Variants in ADORA1 observed in about 807,000 individuals in gnomAD.
The protein encoded by ADORA1 is adenosine receptor A1.
A neutral mutation model predicts 19.9 loss-of-function variants in ADORA1; 6 were observed. The observed-to-expected ratio is 0.30, with a 90% CI of 0.17 to 0.59. The LOEUF is 0.59. ADORA1 is among the 20% of genes least tolerant of loss of function. ADORA1 has a pLI of 0.87. For synonymous variants in ADORA1, 194 were observed against 188.4 expected, an observed-to-expected ratio of 1.03 and a Z score of -0.24; for missense variants, 302 against 439.2, an observed-to-expected ratio of 0.69 and a Z score of 2.79.
At chr1:203,143,082 AG>A (rs1654746177) in intron 3 of ADORA1, among the ~76,000 whole-genome samples, 1 of 152,166 alleles carries the variant, frequency 6.6e-6, no homozygotes, top group Non-Finnish European at 1.5e-5. Context: ...ACTTAGAATG[AG>A]GGGTGTTGTC....
intron 3 of ADORA1, among the ~76,000 whole-genome samples, chr1:203,134,534 C>T (rs1042357541): frequency 3.9e-5 from 6 of 152,156 alleles, no homozygotes; most frequent in South Asian, 2.1e-4. Flanking sequence ...GGTGGCTTCC[C>T]GGAAGTTTCT....
Position 203,165,602 on chromosome 1 carries a change from A to G in ADORA1, c.683A>G (p.Lys228Arg). ...GGCGACCCGCAGAAGTACTATGGGA[A>G]GGAGCTGAAGATCGCCAAGTCGCTG... ...SSGDPQKYYG[K>R]ELKIAKSLAL... Residue 228 changes from lysine (K) to arginine (R), a missense_variant, in exon 4 of 4, where the codon AAG becomes AGG. Coordinates refer to ENST00000337894, the MANE Select transcript of ADORA1 (RefSeq NM_000674.3). This position sits in a 1 kb window ranked among gnomAD's most constrained non-coding sequence, Gnocchi z 5.9. 1 of 1,613,710 alleles carries G rather than the reference A, an allele frequency of 6.2e-7. No homozygotes were observed. Among genetic ancestry groups the G allele is most frequent in the South Asian group, 1.1e-5 (1 of 91,048 alleles).
chr1:203,157,060 CCTT>C (rs1294306655), intron 3 of ADORA1, among the ~76,000 whole-genome samples: 2 of 152,228 alleles, frequency 1.3e-5, no homozygotes, highest in African/African-American at 4.8e-5. Context: ...AAATTCATGT[CCTT>C]CTCGCATGCA....
Position 203,128,951 on chromosome 1 carries a change from A to C in ADORA1, c.110A>C (p.Asn37Thr), listed in dbSNP as rs1422124517. The stretch of plus-strand genomic sequence containing the variant: ...CTGGTGATCTGGGCGGTGAAGGTGA[A>C]CCAGGCGCTGCGGGATGCCACCTTC... ...NVLVIWAVKV[N>T]QALRDATFCF... The change falls in exon 3 of 4, where the codon AAC (asparagine) becomes ACC (threonine). Residue 37 changes from asparagine to threonine, a missense_variant. By Grantham distance (65) the Asn-to-Thr change is moderately conservative. Transcript: ENST00000337894. This position sits in a 1 kb window ranked among gnomAD's most constrained non-coding sequence, Gnocchi z 5.9. 1 of 1,614,076 alleles carries C rather than the reference A, an allele frequency of 6.2e-7. No individual in the cohort carries two copies.
At chr1:203,149,381 C>T (rs1220265645) in intron 3 of ADORA1, among the ~76,000 whole-genome samples, 1 of 152,170 alleles carries the variant, frequency 6.6e-6, no homozygotes, top group Non-Finnish European at 1.5e-5. Context: ...TATTGATCAA[C>T]CCTCAGAGAA....
Position 203,165,619 on chromosome 1 carries a change from A to G in ADORA1, c.700A>G (p.Lys234Glu). Residue 234 changes from lysine to glutamate, a missense_variant, in exon 4 of 4, where the codon AAG (lysine) becomes GAG (glutamate). By Grantham distance (56) the Lys-to-Glu change is moderately conservative. Coordinates refer to ENST00000337894, the MANE Select transcript of ADORA1 (RefSeq NM_000674.3). The surrounding 1 kb of genome is among the most constrained non-coding windows in gnomAD (Gnocchi z 5.9). ...KYYGKELKIA[K>E]SLALILFLFA... is the part of the protein sequence containing the mutation. ...CTATGGGAAGGAGCTGAAGATCGCC[A>G]AGTCGCTGGCCCTCATCCTCTTCCT... 6.2e-7 allele frequency: 1 copy of G among 1,613,020 alleles called. No individual in the cohort carries two copies. Among genetic ancestry groups the G allele is most frequent in the Non-Finnish European group, 8.5e-7 (1 of 1,179,186 alleles).
rs1170911216 is a variant in ADORA1, at chr1:203,128,382, T to C, written c.-108T>C. 9 of 1,290,668 alleles carry C rather than the reference T, an allele frequency of 7.0e-6. No individual in the cohort carries two copies. Among genetic ancestry groups the C allele is most frequent in the Admixed American group, 2.3e-5 (1 of 43,572 alleles). 80.0% of individuals were successfully genotyped at this position (1,290,668 alleles called of 1,614,324 possible). A position where few individuals can be genotyped will look rare whatever the true frequency, so the allele number is the denominator to read the frequency against. On this transcript the variant is annotated 5_prime_UTR_variant, in exon 2 of 4. Coordinates refer to ENST00000337894, the MANE Select transcript of ADORA1 (RefSeq NM_000674.3). This position sits in a 1 kb window ranked among gnomAD's most constrained non-coding sequence, Gnocchi z 5.9. ...GCGCGCGGCCCGGAGCTCTGTTCCC[T>C]GGAACTTTGGGCACTGCCTCTGGGA...
chr1:203,156,457 C>T (rs575762397), intron 3 of ADORA1, among the ~76,000 whole-genome samples: 1 of 151,980 alleles, frequency 6.6e-6, no homozygotes, highest in Admixed American at 6.6e-5. Flanking sequence ...GGAGAGTGCC[C>T]CAGGTATGTA....
intron 3 of ADORA1, among the ~76,000 whole-genome samples, chr1:203,147,951 G>A (rs920533598): frequency 2.6e-5 from 4 of 152,208 alleles, no homozygotes; most frequent in African/African-American, 9.6e-5. Flanking sequence ...AGGCATGGTA[G>A]CTCATGCCTA....
chr1:203,149,728 T>A (rs1654974524), intron 3 of ADORA1, among the ~76,000 whole-genome samples: 1 of 152,168 alleles, frequency 6.6e-6, no homozygotes, highest in African/African-American at 2.4e-5. Flanking sequence ...AGGGGGGATG[T>A]TGTTGTTGAG....
intron 3 of ADORA1, among the ~76,000 whole-genome samples, chr1:203,148,781 T>C (rs531381436): frequency 1.2e-4 from 19 of 152,330 alleles, no homozygotes; most frequent in African/African-American, 4.1e-4. Context: ...GTGCCCTCTG[T>C]GCCACTGCTC....
At chr1:203,149,698 G>T (rs566268490) in intron 3 of ADORA1, among the ~76,000 whole-genome samples, 1 of 152,270 alleles carries the variant, frequency 6.6e-6, no homozygotes, top group Admixed American at 6.5e-5. Flanking sequence ...ACTGTTGGGA[G>T]CAGAGCTCTG....
chr1:203,129,623 G>C (rs1654269425), intron 3 of ADORA1: 1 of 163,372 alleles, frequency 6.1e-6, no homozygotes. Flanking sequence ...TGGCACAACA[G>C]GGGCAGGAGT....
intron 3 of ADORA1, among the ~76,000 whole-genome samples, chr1:203,136,564 G>A (rs1215264734): frequency 6.6e-6 from 1 of 152,208 alleles, no homozygotes; most frequent in African/African-American, 2.4e-5. Flanking sequence ...ACCTCTGTCT[G>A]ACAGCTCAGA....
rs762861240 is a variant in ADORA1 at position 203,165,282 on chromosome 1, C to T, written c.363C>T (p.Pro121=). 3 of 1,576,960 alleles carry T rather than the reference C, an allele frequency of 1.9e-6. No homozygotes were observed. The highest frequency in any genetic ancestry group is 1.4e-5 in the African/African-American group (1 of 73,766). ...CCAGGTACAAGATGGTGGTGACCCC[C>T]CGGAGGGCGGCGGTGGCCATAGCCG... is the stretch of plus-strand genomic sequence containing the variant. ...IPLRYKMVVT[P]RRAAVAIAGC... Residue 121 remains proline, a synonymous_variant, in exon 4 of 4, where the codon CCC becomes CCT. Coordinates refer to ENST00000337894, the MANE Select transcript of ADORA1 (RefSeq NM_000674.3). The surrounding 1 kb of genome is among the most constrained non-coding windows in gnomAD (Gnocchi z 5.9).
intron 3 of ADORA1, among the ~76,000 whole-genome samples, chr1:203,152,168 G>A (rs16851008): frequency 0.23 from 34,395 of 152,190 alleles, 5,224 homozygotes; most frequent in African/African-American, 0.43. Flanking sequence ...GGGTCTCCCC[G>A]AAGGCCAGCT....
Position 203,128,514 on chromosome 1 carries a change from TGC to T in ADORA1, c.-58+91_-58+92del. On this transcript the variant is annotated intron_variant, in intron 2 of 3. Coordinates refer to ENST00000337894, the MANE Select transcript of ADORA1 (RefSeq NM_000674.3). This position sits in a 1 kb window ranked among gnomAD's most constrained non-coding sequence, Gnocchi z 5.9. ...ACCCCTCTGTGCGTGTGTCTGTGTGTGCGCGCGCGCTGGGAGCTGCCTCACAC... is the reference window on the plus strand; with the variant it reads ...ACCCCTCTGTGCGTGTGTCTGTGTGTGCGCGCGCTGGGAGCTGCCTCACAC... The T allele has an allele frequency of 3.1e-5, 34 of 1,086,584 alleles. No individual in the cohort carries two copies. The highest frequency in any genetic ancestry group is 3.3e-5 in the Non-Finnish European group (27 of 816,410). 67.3% of individuals were successfully genotyped at this position (1,086,584 alleles called of 1,614,324 possible).
chr1:203,159,152 C>T (rs1038678497), intron 3 of ADORA1, among the ~76,000 whole-genome samples: 10 of 152,196 alleles, frequency 6.6e-5, no homozygotes, highest in African/African-American at 1.9e-4. Context: ...ATTCCCATGC[C>T]GCCAGCTACA....
At chr1:203,158,750 T>A (rs1310128707) in intron 3 of ADORA1, among the ~76,000 whole-genome samples, 1 of 152,224 alleles carries the variant, frequency 6.6e-6, no homozygotes, top group Non-Finnish European at 1.5e-5. Context: ...TCAGCTCACA[T>A]TTCTGGAAGC....
Sources: allele counts gnomAD v4.1 joint callset (sites outside exome capture counted in the v4.1 genomes callset), GRCh38; gene constraint gnomAD v4.1.1; non-coding constraint Gnocchi (gnomAD v3.1); transcripts MANE v1.5; gene names NCBI Gene and HGNC (gene_info 2026-07-23, HGNC 2026-07-21).